DHRS3: variants seen among roughly 807,000 people sequenced by gnomAD.
DHRS3 encodes dehydrogenase/reductase 3, also known as short-chain dehydrogenase/reductase 3.
Under a neutral mutation model 27.2 loss-of-function variants are expected in DHRS3, and 14 were observed. That is an observed-to-expected ratio of 0.52 (90% confidence interval 0.34 to 0.81). The LOEUF (loss-of-function observed/expected upper bound fraction) is 0.81, where lower values mean the gene tolerates loss of function less well. DHRS3 is among the 30% of genes least tolerant of loss of function. The pLI is 0.01. For synonymous variants in DHRS3, 165 were observed against 175.9 expected (o/e 0.94, Z 0.49); for missense variants, 322 against 406.2 (o/e 0.79, Z 1.78).
intron 1 of DHRS3, among the ~76,000 whole-genome samples, chr1:12,610,711 A>C (rs1020418173): frequency 5.9e-5 from 9 of 152,102 alleles, no homozygotes; most frequent in Non-Finnish European, 1.2e-4. Flanking sequence ...GTCTAAATAG[A>C]CTCACTTTTC....
intron 1 of DHRS3, chr1:12,596,267 TC>T (rs1488827162): frequency 1.3e-5 from 2 of 151,966 alleles, no homozygotes; most frequent in African/African-American, 4.8e-5. Context: ...CTCCCACCCC[TC>T]CGGGGGCAGC....
Position 12,587,000 on chromosome 1 carries a change from CACCCTCTTCACTGCCTCTGA to C in DHRS3, c.196-6354_196-6335del, listed in dbSNP as rs1257158315. Among the ~76,000 whole-genome samples the C allele has an allele frequency of 6.6e-6, 1 of 152,120 alleles. No homozygotes were observed. Among genetic ancestry groups the C allele is most frequent in the African/African-American group, 2.4e-5 (1 of 41,406 alleles). The stretch of plus-strand genomic sequence containing the variant: ...TACACCCTCTTCACTGCCTCTGATA[CACCCTCTTCACTGCCTCTGA>C]TACACCCTCTTCTGCAGGCTTTAAA... On this transcript the variant is annotated intron_variant, in intron 1 of 5. Transcript: ENST00000616661. This position sits in a 1 kb window ranked among gnomAD's most constrained non-coding sequence, Gnocchi z 5.0.
At chr1:12,614,379 G>GAAAATTA (rs1646929920) in intron 1 of DHRS3, among the ~76,000 whole-genome samples, 1 of 152,030 alleles carries the variant, frequency 6.6e-6, no homozygotes. Flanking sequence ...GGAGGGCAAA[G>GAAAATTA]AAAATTAAAA....
chr1:12,572,204 G>A (rs752607646), intron 5 of DHRS3, among the ~76,000 whole-genome samples: 10 of 152,144 alleles, frequency 6.6e-5, no homozygotes, highest in Non-Finnish European at 1.3e-4. Context: ...GTCTTGCTGA[G>A]TCACCCAGGC....
intron 1 of DHRS3, among the ~76,000 whole-genome samples, chr1:12,602,599 C>T (rs1646843023): frequency 6.6e-6 from 1 of 152,182 alleles, no homozygotes; most frequent in Non-Finnish European, 1.5e-5. Context: ...AGGGGGTATC[C>T]ACCGCCCCCC....
At chr1:12,581,334 C>T (rs1646642036) in intron 1 of DHRS3, among the ~76,000 whole-genome samples, 1 of 152,194 alleles carries the variant, frequency 6.6e-6, no homozygotes, top group African/African-American at 2.4e-5. Context: ...GAATGCTCTC[C>T]ATTAGGAATC....
rs1352932752 is a variant in DHRS3 at position 12,568,227 on chromosome 1, G to A, written c.*113C>T. The A allele has an allele frequency of 9.8e-7, 1 of 1,018,868 alleles. No homozygotes were observed. The highest frequency in any genetic ancestry group is 1.5e-6 in the Non-Finnish European group (1 of 653,748). 63.1% of individuals were successfully genotyped at this position (1,018,868 alleles called of 1,614,324 possible). A position where few individuals can be genotyped will look rare whatever the true frequency, so the allele number is the denominator to read the frequency against. On this transcript the variant is annotated 3_prime_UTR_variant, in exon 6 of 6. Coordinates refer to ENST00000616661, the MANE Select transcript of DHRS3 (RefSeq NM_004753.7). Reference sequence around the variant, plus strand: ...CAGCCGGATTCTTCGCTGGGGACAGGAGCTGTCCTGCTCACCCAGCAGAAG... The same window carrying A: ...CAGCCGGATTCTTCGCTGGGGACAGAAGCTGTCCTGCTCACCCAGCAGAAG...
chr1:12,568,752 C>G (rs1646507343), intron 5 of DHRS3, among the ~76,000 whole-genome samples: 1 of 152,088 alleles, frequency 6.6e-6, no homozygotes, highest in Admixed American at 6.5e-5. Flanking sequence ...ATGGTGAAAC[C>G]CTGTCTCTAC....
rs765027018 is a variant in DHRS3 at position 12,568,348 on chromosome 1, G to A, written c.901C>T (p.Arg301Trp). ...TYTCMNTFKG[R>W]T ...ATGTCTTCATCCTGTCTCTATGTCC[G>A]CCCTTTGAAAGTGTTCATGCAGGTG... Residue 301 changes from arginine to tryptophan, a missense_variant, in exon 6 of 6, where the codon CGG (arginine) becomes TGG (tryptophan). Arg to Trp is a moderately radical substitution (Grantham distance 101). Transcript: ENST00000616661. 9.3e-6 allele frequency: 15 copies of A among 1,613,482 alleles called. No homozygotes were observed. Among genetic ancestry groups the A allele is most frequent in the Middle Eastern group, 1.6e-4 (1 of 6,080 alleles).
At chr1:12,601,988 A>G (rs1385237528) in intron 1 of DHRS3, among the ~76,000 whole-genome samples, 2 of 152,326 alleles carry the variant, frequency 1.3e-5, no homozygotes, top group Non-Finnish European at 2.9e-5. Context: ...TTTATTAAGT[A>G]TCTACTGTGG....
chr1:12,603,239 C>A (rs1646847369), intron 1 of DHRS3, among the ~76,000 whole-genome samples: 1 of 152,160 alleles, frequency 6.6e-6, no homozygotes, highest in Non-Finnish European at 1.5e-5. Context: ...GCCACAGCAC[C>A]TTGGAGTAAA....
intron 1 of DHRS3, among the ~76,000 whole-genome samples, chr1:12,604,131 C>T (rs574413033): frequency 2.6e-5 from 4 of 152,196 alleles, no homozygotes; most frequent in Non-Finnish European, 5.9e-5. Flanking sequence ...AAGGGCTCTA[C>T]AACCAGCAGA....
intron 4 of DHRS3, among the ~76,000 whole-genome samples, chr1:12,576,629 G>T (rs1009148706): frequency 2.0e-5 from 3 of 151,020 alleles, no homozygotes; most frequent in Non-Finnish European, 4.4e-5. Flanking sequence ...CATTTATTGA[G>T]CACCTTCTGT....
intron 1 of DHRS3, chr1:12,616,455 G>A (rs1646944915): frequency 2.8e-6 from 2 of 711,252 alleles, no homozygotes; most frequent in South Asian, 6.3e-5. Context: ...CCTCCTTGCA[G>A]CACCACCTTC....
intron 3 of DHRS3, 79 bp from the exon 4 acceptor site, chr1:12,579,035 C>A: frequency 7.3e-7 from 1 of 1,360,590 alleles, no homozygotes; most frequent in East Asian, 2.4e-5. Flanking sequence ...GAGAACAGCC[C>A]ACCCCGGACA....
At chr1:12,589,391 CT>C (rs70987258) in intron 1 of DHRS3, among the ~76,000 whole-genome samples, 170 of 136,324 alleles carry the variant, frequency 1.2e-3, no homozygotes, top group Admixed American at 1.6e-3. Flanking sequence ...TTTTCTTTTT[CT>C]TTTTTTTTTT....
In DHRS3 at chr1:12,617,553, T is replaced by G; in HGVS notation, c.-205A>C. ...AAAAAAAAAAAAAGATAAATTCTCC[T>G]CTGGGGGAGAAAAAGCGTCTCCTAA... On this transcript the variant is annotated 5_prime_UTR_variant, in exon 1 of 6. Transcript: ENST00000616661. The G allele has an allele frequency of 2.2e-6, 1 of 447,212 alleles. No homozygotes were observed. Among genetic ancestry groups the G allele is most frequent in the Non-Finnish European group, 3.7e-6 (1 of 269,144 alleles). The allele number at this position is 447,212 out of a possible 1,614,324, so 27.7% of individuals were successfully genotyped here.
At chr1:12,606,136 CAAAAAAAA>C (rs35154933) in intron 1 of DHRS3, among the ~76,000 whole-genome samples, 1 of 106,846 alleles carries the variant, frequency 9.4e-6, no homozygotes, top group Non-Finnish European at 1.8e-5. Flanking sequence ...GACTCTGTCT[CAAAAAAAA>C]AAAAAAAAAA....
Position 12,568,238 on chromosome 1 carries a change from C to T in DHRS3, c.*102G>A, listed in dbSNP as rs1646501645. ...TTCGCTGGGGACAGGAGCTGTCCTGCTCACCCAGCAGAAGCATGCCAATGG... is the reference window on the plus strand; with the variant it reads ...TTCGCTGGGGACAGGAGCTGTCCTGTTCACCCAGCAGAAGCATGCCAATGG... On this transcript the variant is annotated 3_prime_UTR_variant, in exon 6 of 6. Transcript: ENST00000616661. 2.6e-6 allele frequency: 3 copies of T among 1,141,508 alleles called. No individual in the cohort carries two copies. The highest frequency in any genetic ancestry group is 3.9e-6 in the Non-Finnish European group (3 of 760,284). 70.7% of individuals were successfully genotyped at this position (1,141,508 alleles called of 1,614,324 possible).
Sources: gnomAD v4.1 joint callset for allele counts (sites outside exome capture counted in the v4.1 genomes callset) on GRCh38, gnomAD v4.1.1 for gene constraint, Gnocchi (gnomAD v3.1) non-coding constraint, MANE v1.5 for transcripts, NCBI Gene and HGNC (gene_info 2026-07-23, HGNC 2026-07-21) for gene names.